EBF2: variants seen among roughly 807,000 people sequenced by gnomAD.
EBF2 encodes the protein EBF transcription factor 2.
In EBF2, 21 loss-of-function variants were observed where a neutral mutation model predicts 72.8. The observed-to-expected ratio is 0.29, with a 90% CI of 0.20 to 0.42. EBF2 has a LOEUF of 0.42. Ranked by LOEUF, EBF2 falls within the 10% of genes least tolerant of loss-of-function variation. The pLI, the probability that EBF2 is intolerant of heterozygous loss-of-function variation, is 1.00. For missense variants in EBF2, 637 were observed against 731.2 expected (o/e 0.87, Z 1.49); for synonymous variants, 299 against 274.2 (o/e 1.09, Z -0.89).
chr8:25,860,918 A>G, intron 13 of EBF2, 131 bp downstream of exon 13: 1 of 947,014 alleles, frequency 1.1e-6, no homozygotes, highest in East Asian at 2.4e-5. Flanking sequence ...AAATAACCCA[A>G]TCTATGATTG....
At chr8:26,024,205 T>C (rs1468640289) in intron 6 of EBF2, among the ~76,000 whole-genome samples, 1 of 152,126 alleles carries the variant, frequency 6.6e-6, no homozygotes. Context: ...AATTTGTAAA[T>C]ATTCGAGGTA....
At chr8:25,889,688 G>T in intron 8 of EBF2, 64 bp downstream of exon 8, 2 of 1,321,588 alleles carry the variant, frequency 1.5e-6, no homozygotes, top group Non-Finnish European at 1.1e-6. Flanking sequence ...TAAATTTGAA[G>T]TTCGAACAAG....
intron 6 of EBF2, among the ~76,000 whole-genome samples, chr8:25,986,905 C>G (rs548962909): frequency 6.6e-4 from 101 of 152,326 alleles, no homozygotes; most frequent in African/African-American, 2.4e-3. Flanking sequence ...GACAAAGGCT[C>G]TGCCAAAGGC....
intron 6 of EBF2, among the ~76,000 whole-genome samples, chr8:25,929,254 C>T (rs1336073847): frequency 6.6e-6 from 1 of 152,186 alleles, no homozygotes; most frequent in East Asian, 1.9e-4. Context: ...CACAAGGTCA[C>T]ACAGCTACCA....
At chr8:25,950,637 G>A (rs1235865974) in intron 6 of EBF2, among the ~76,000 whole-genome samples, 1 of 152,176 alleles carries the variant, frequency 6.6e-6, no homozygotes, top group Non-Finnish European at 1.5e-5. Context: ...AAAAGATTGG[G>A]TCTCCTTCAA....
chr8:25,980,577 AC>A (rs1170998494), intron 6 of EBF2, among the ~76,000 whole-genome samples: 3 of 152,150 alleles, frequency 2.0e-5, no homozygotes, highest in Non-Finnish European at 4.4e-5. Flanking sequence ...TCCCAGTGGC[AC>A]CATAGACCTT....
intron 6 of EBF2, among the ~76,000 whole-genome samples, chr8:25,947,331 C>T (rs1803787256): frequency 6.6e-6 from 1 of 152,182 alleles, no homozygotes; most frequent in Non-Finnish European, 1.5e-5. Context: ...TTTGCTCCTC[C>T]TTTGTCTTCT....
At chr8:26,027,474 A>T (rs1805318830) in intron 6 of EBF2, among the ~76,000 whole-genome samples, 2 of 6,630 alleles carry the variant, frequency 3.0e-4, no homozygotes, top group African/African-American at 1.6e-3. Context: ...CTACTATCAA[A>T]AAAATAAAAT....
chr8:26,023,903 A>G lies in EBF2; in HGVS notation c.551+9182T>C, dbSNP rs181765680. The stretch of plus-strand genomic sequence containing the variant: ...GCAGGTTCCCCTACTTCCATTCTCC[A>G]TGTTCCAATCCATCCTCAAAGTTCT... On this transcript the variant is annotated intron_variant, in intron 6 of 15. Coordinates refer to ENST00000520164, the MANE Select transcript of EBF2 (RefSeq NM_022659.4). Among the ~76,000 whole-genome samples the G allele has an allele frequency of 3.8e-3, 572 of 152,262 alleles. 3 individuals are homozygous for G. Among genetic ancestry groups the G allele is most frequent in the Non-Finnish European group, 5.4e-3 (369 of 68,010 alleles).
intron 6 of EBF2, among the ~76,000 whole-genome samples, chr8:25,913,854 A>G (rs1025824436): frequency 6.6e-6 from 1 of 152,238 alleles, no homozygotes; most frequent in Non-Finnish European, 1.5e-5. Context: ...TGTCTGGATT[A>G]GCTGTTAAAC....
intron 6 of EBF2, among the ~76,000 whole-genome samples, chr8:25,929,976 G>A (rs1236976996): frequency 6.6e-6 from 1 of 152,162 alleles, no homozygotes; most frequent in African/African-American, 2.4e-5. Context: ...GCCGAATGGA[G>A]AACAAAATAA....
chr8:25,903,434 G>A (rs546015612), intron 7 of EBF2, among the ~76,000 whole-genome samples: 3 of 152,256 alleles, frequency 2.0e-5, no homozygotes, highest in South Asian at 2.1e-4. Flanking sequence ...GGTGGCTCAC[G>A]CCTGTAATCC....
chr8:26,042,653 T>A (rs1430304362), intron 1 of EBF2, among the ~76,000 whole-genome samples: 1 of 152,170 alleles, frequency 6.6e-6, no homozygotes, highest in Non-Finnish European at 1.5e-5. Flanking sequence ...GCTGGGTGTA[T>A]CAGGATGCAG....
intron 7 of EBF2, among the ~76,000 whole-genome samples, chr8:25,899,694 C>A (rs1201490172): frequency 6.6e-6 from 1 of 152,182 alleles, no homozygotes; most frequent in Non-Finnish European, 1.5e-5. Context: ...AGTAGCCGTG[C>A]CCTTTGCTCT....
chr8:25,965,833 A>G (rs2117183509), intron 6 of EBF2, among the ~76,000 whole-genome samples: 1 of 152,376 alleles, frequency 6.6e-6, no homozygotes, highest in Non-Finnish European at 1.5e-5. Context: ...AACAGTAAAC[A>G]GCAGATTAAG....
intron 15 of EBF2, among the ~76,000 whole-genome samples, chr8:25,844,980 C>A (rs1278551370): frequency 6.6e-6 from 1 of 152,152 alleles, no homozygotes; most frequent in African/African-American, 2.4e-5. Flanking sequence ...TTTTATTCAA[C>A]TAAGATAATT....
chr8:26,021,431 G>A (rs1805201654), intron 6 of EBF2, among the ~76,000 whole-genome samples: 1 of 152,126 alleles, frequency 6.6e-6, no homozygotes, highest in Non-Finnish European at 1.5e-5. Flanking sequence ...ATGCTGATTG[G>A]GTCTGAAGTC....
At chr8:25,879,287 T>C (rs1431658311) in intron 10 of EBF2, among the ~76,000 whole-genome samples, 1 of 152,212 alleles carries the variant, frequency 6.6e-6, no homozygotes, top group Non-Finnish European at 1.5e-5. Context: ...GTGTAGAAGA[T>C]GTTCCATTAT....
At chr8:26,037,683 A>G (rs1000456230) in intron 5 of EBF2, among the ~76,000 whole-genome samples, 1 of 152,146 alleles carries the variant, frequency 6.6e-6, no homozygotes, top group Non-Finnish European at 1.5e-5. Context: ...AAATTATAAT[A>G]TCTTTTAACC....
Sources: gnomAD v4.1 joint callset for allele counts (sites outside exome capture counted in the v4.1 genomes callset) on GRCh38, gnomAD v4.1.1 for gene constraint, MANE v1.5 for transcripts, NCBI Gene and HGNC (gene_info 2026-07-23, HGNC 2026-07-21) for gene names.